Variants in DOCK4 observed in about 807,000 individuals in gnomAD.
DOCK4 encodes the protein dedicator of cytokinesis protein 4.
In DOCK4, 97 loss-of-function variants were observed where a neutral mutation model predicts 268.1. The ratio of observed to expected loss-of-function variants is 0.36; its 90% CI spans 0.31 to 0.43. The LOEUF (loss-of-function observed/expected upper bound fraction) is 0.43, where lower values mean the gene tolerates loss of function less well. DOCK4 is among the 20% of genes least tolerant of loss of function. DOCK4 has a pLI of 1.00. For synonymous variants in DOCK4, 954 were observed against 887.2 expected (o/e 1.08, Z -1.34); for missense variants, 2,145 against 2,455.7 (o/e 0.87, Z 2.67).
intron 8 of DOCK4, among the ~76,000 whole-genome samples, chr7:111,954,655 C>G (rs1028988983): frequency 2.0e-5 from 3 of 152,130 alleles, no homozygotes; most frequent in African/African-American, 7.2e-5. Flanking sequence ...GGAGACTGTC[C>G]GGGTACTACG....
intron 16 of DOCK4, among the ~76,000 whole-genome samples, chr7:111,883,328 C>G (rs1274767582): frequency 6.6e-6 from 1 of 152,142 alleles, no homozygotes; most frequent in Non-Finnish European, 1.5e-5. Context: ...CCTTTGATCT[C>G]TCATCTCTAT....
intron 26 of DOCK4, among the ~76,000 whole-genome samples, chr7:111,829,394 G>C (rs974492561): frequency 2.0e-5 from 3 of 152,126 alleles, no homozygotes; most frequent in Non-Finnish European, 4.4e-5. Flanking sequence ...AACAATAATA[G>C]CATCAGTCAA....
chr7:111,728,779 C>A, intron 52 of DOCK4, 59 bp from the exon 53 acceptor site: 2 of 1,491,122 alleles, frequency 1.3e-6, no homozygotes, highest in Admixed American at 2.1e-5. Context: ...AACGCAGATG[C>A]GCTGAAATGT....
chr7:112,040,841 G>A (rs1447300930), intron 1 of DOCK4, among the ~76,000 whole-genome samples: 3 of 152,142 alleles, frequency 2.0e-5, no homozygotes, highest in Non-Finnish European at 4.4e-5. Flanking sequence ...ATTACATTGT[G>A]CATTAAATTT....
intron 1 of DOCK4, among the ~76,000 whole-genome samples, chr7:112,199,140 T>C (rs887039115): frequency 1.3e-5 from 2 of 152,244 alleles, no homozygotes; most frequent in African/African-American, 4.8e-5. Flanking sequence ...GTTCCAATCC[T>C]AGCTCCACCA....
intron 1 of DOCK4, among the ~76,000 whole-genome samples, chr7:112,064,629 T>C (rs1806751919): frequency 1.3e-5 from 2 of 152,064 alleles, no homozygotes; most frequent in Admixed American, 6.6e-5. Flanking sequence ...CTAGGACAAA[T>C]GGGGGATTTT....
chr7:112,149,014 T>C (rs146261834), intron 1 of DOCK4, among the ~76,000 whole-genome samples: 129 of 152,356 alleles, frequency 8.5e-4, no homozygotes, highest in African/African-American at 3.0e-3. Flanking sequence ...CTGCAAGCTC[T>C]ACTGCTTCAT....
intron 1 of DOCK4, among the ~76,000 whole-genome samples, chr7:112,116,185 C>A (rs1812149407): frequency 6.6e-6 from 1 of 152,096 alleles, no homozygotes; most frequent in Non-Finnish European, 1.5e-5. Context: ...TCTCCCCAGC[C>A]CCCAGCAACC....
intron 1 of DOCK4, among the ~76,000 whole-genome samples, chr7:112,105,045 CA>C (rs1811014588): frequency 6.6e-6 from 1 of 152,136 alleles, no homozygotes; most frequent in Admixed American, 6.5e-5. Context: ...TCATAAAAAA[CA>C]GGAAGATACT....
intron 16 of DOCK4, among the ~76,000 whole-genome samples, chr7:111,878,800 C>A (rs573467963): frequency 6.6e-6 from 1 of 152,156 alleles, no homozygotes; most frequent in Non-Finnish European, 1.5e-5. Context: ...AAGAGACTCA[C>A]CATCTCAGCA....
chr7:111,926,550 A>G (rs200569932), intron 12 of DOCK4, among the ~76,000 whole-genome samples: 8 of 148,694 alleles, frequency 5.4e-5, no homozygotes, highest in Non-Finnish European at 8.9e-5. Context: ...AAAGAGAAAG[A>G]AAGGAAGGAA....
chr7:111,804,809 A>G (rs1165226181), intron 30 of DOCK4, among the ~76,000 whole-genome samples: 1 of 152,114 alleles, frequency 6.6e-6, no homozygotes, highest in Non-Finnish European at 1.5e-5. Flanking sequence ...CATGTTTGCC[A>G]GGCTGGTCTC....
At position 111,895,726 on chromosome 7, in the gene DOCK4, A is replaced by G. The variant is rs764508646; in HGVS notation, c.1481-8T>C. On this transcript the variant is annotated splice_region_variant and splice_polypyrimidine_tract_variant and intron_variant, in intron 15 of 52. Transcript: ENST00000428084. ...TCTCTCCTTTCTCCTTTGCTGTAAAAAACAAATTACTTGCTTATTTAAGTG... is the reference window on the plus strand; with the variant it reads ...TCTCTCCTTTCTCCTTTGCTGTAAAGAACAAATTACTTGCTTATTTAAGTG... 6.2e-7 allele frequency: 1 copy of G among 1,612,522 alleles called. No homozygotes were observed. Among genetic ancestry groups the G allele is most frequent in the Non-Finnish European group, 8.5e-7 (1 of 1,178,658 alleles).
intron 1 of DOCK4, among the ~76,000 whole-genome samples, chr7:112,103,067 G>A (rs1810833954): frequency 6.6e-6 from 1 of 152,162 alleles, no homozygotes; most frequent in South Asian, 2.1e-4. Context: ...TTGTCCACAT[G>A]TCTGACATGT....
intron 23 of DOCK4, among the ~76,000 whole-genome samples, chr7:111,860,242 C>T (rs1323034036): frequency 2.0e-5 from 3 of 152,228 alleles, no homozygotes; most frequent in Non-Finnish European, 4.4e-5. Flanking sequence ...GCCAAAGTCA[C>T]TAGAAGCACT....
intron 9 of DOCK4, among the ~76,000 whole-genome samples, 186 bp downstream of exon 9, chr7:111,945,531 C>T (rs1167375058): frequency 6.6e-6 from 1 of 152,188 alleles, no homozygotes; most frequent in Non-Finnish European, 1.5e-5. Flanking sequence ...CAGTAATACA[C>T]TAAAGGAATG....
chr7:111,855,486 A>G (rs1265121820), intron 23 of DOCK4, among the ~76,000 whole-genome samples: 1 of 152,056 alleles, frequency 6.6e-6, no homozygotes, highest in Non-Finnish European at 1.5e-5. Flanking sequence ...AAAAGTTGAG[A>G]TTTTCATTTT....
At chr7:112,116,602 A>G (rs1026116934) in intron 1 of DOCK4, among the ~76,000 whole-genome samples, 1 of 152,230 alleles carries the variant, frequency 6.6e-6, no homozygotes, top group Non-Finnish European at 1.5e-5. Context: ...TAACTACAGA[A>G]AGAGTGAGCT....
At chr7:111,961,214 CTCT>C (rs1796867282) in intron 8 of DOCK4, among the ~76,000 whole-genome samples, 2 of 152,336 alleles carry the variant, frequency 1.3e-5, no homozygotes, top group South Asian at 4.1e-4. Flanking sequence ...AACCCAAAGT[CTCT>C]TGATTCCATC....
Sources: gnomAD v4.1 joint callset for allele counts (sites outside exome capture counted in the v4.1 genomes callset) on GRCh38, gnomAD v4.1.1 for gene constraint, MANE v1.5 for transcripts, NCBI Gene and HGNC (gene_info 2026-07-23, HGNC 2026-07-21) for gene names.